RFTN1: variants seen among roughly 807,000 people sequenced by gnomAD.
The protein encoded by RFTN1 is raftlin, lipid raft linker 1, also known as raftlin.
A neutral mutation model predicts 46.5 loss-of-function variants in RFTN1; 26 were observed. The observed-to-expected ratio is 0.56, with a 90% CI of 0.41 to 0.78. RFTN1 has a LOEUF of 0.78. Ranked by LOEUF, RFTN1 falls within the 30% of genes least tolerant of loss-of-function variation. The pLI, the probability that RFTN1 is intolerant of heterozygous loss-of-function variation, is 0.00. For missense variants in RFTN1, 693 were observed against 718.7 expected (o/e 0.96, Z 0.41); for synonymous variants, 261 against 284.2 (o/e 0.92, Z 0.82).
rs2075348483 is a variant in RFTN1 at position 16,429,727 on chromosome 3, G to T, written c.332+4124C>A. Among the ~76,000 whole-genome samples, 1 of 152,150 alleles carries T rather than the reference G, an allele frequency of 6.6e-6. No individual in the cohort carries two copies. Among genetic ancestry groups the T allele is most frequent in the South Asian group, 2.1e-4 (1 of 4,824 alleles). ...AATGCAGGCTTGAGGGGTTCCGTCTGGTGTTTCTGGCATATCCCAAAGCCC... is the reference window on the plus strand; with the variant it reads ...AATGCAGGCTTGAGGGGTTCCGTCTTGTGTTTCTGGCATATCCCAAAGCCC... On this transcript the variant is annotated intron_variant, in intron 3 of 9. Transcript: ENST00000334133. This position sits in a 1 kb window ranked among gnomAD's most constrained non-coding sequence, Gnocchi z 6.4.
intron 2 of RFTN1, among the ~76,000 whole-genome samples, chr3:16,435,968 T>C (rs978628213): frequency 6.7e-6 from 1 of 149,524 alleles, no homozygotes; most frequent in Admixed American, 6.6e-5. Context: ...TATGTGTGCA[T>C]TGTAATTTTT....
chr3:16,371,622 A>G (rs937357886), intron 5 of RFTN1, among the ~76,000 whole-genome samples: 3 of 152,226 alleles, frequency 2.0e-5, no homozygotes, highest in African/African-American at 7.2e-5. Flanking sequence ...GGGCCATATT[A>G]CTTTGTCATC....
At chr3:16,396,671 A>G (rs1441310223) in intron 4 of RFTN1, among the ~76,000 whole-genome samples, 1 of 152,320 alleles carries the variant, frequency 6.6e-6, no homozygotes, top group South Asian at 2.1e-4. Context: ...GGACAGGAAG[A>G]TTTGTTTTAA....
Position 16,424,596 on chromosome 3 carries a change from C to T in RFTN1, c.332+9255G>A, listed in dbSNP as rs1047196619. ...AAGTCTTTGTAGCCATTTTAAGTTC[C>T]AACTCATGGTCGATGATAGGAAGTG... On this transcript the variant is annotated intron_variant, in intron 3 of 9. Transcript: ENST00000334133. The surrounding 1 kb of genome is among the most constrained non-coding windows in gnomAD (Gnocchi z 4.7). Among the ~76,000 whole-genome samples, 1 of 152,102 alleles carries T rather than the reference C, an allele frequency of 6.6e-6. No homozygotes were observed. Among genetic ancestry groups the T allele is most frequent in the African/African-American group, 2.4e-5 (1 of 41,420 alleles).
chr3:16,332,081 G>A (rs2070374237), intron 7 of RFTN1, among the ~76,000 whole-genome samples: 2 of 151,920 alleles, frequency 1.3e-5, no homozygotes, highest in African/African-American at 4.8e-5. Context: ...TCATGACAAT[G>A]TGCTTTGGTG....
At position 16,407,737 on chromosome 3, in the gene RFTN1, A is replaced by T. The variant is rs1252880737; in HGVS notation, c.441+1638T>A. Among the ~76,000 whole-genome samples the T allele has an allele frequency of 6.6e-6, 1 of 152,190 alleles. No homozygotes were observed. On this transcript the variant is annotated intron_variant, in intron 4 of 9. Transcript: ENST00000334133. The surrounding 1 kb of genome is among the most constrained non-coding windows in gnomAD (Gnocchi z 4.0). ...ATTTCTATAGAAAGCTACATGCGTT[A>T]TTAAAACACTTGTGTTCTCAGGCTT... is the stretch of plus-strand genomic sequence containing the variant.
At chr3:16,350,778 G>A (rs993241963) in intron 7 of RFTN1, among the ~76,000 whole-genome samples, 5 of 152,088 alleles carry the variant, frequency 3.3e-5, no homozygotes, top group Non-Finnish European at 5.9e-5. Context: ...CCTATCACAG[G>A]AAAAAGGCAG....
chr3:16,365,026 G>T (rs567407351), intron 6 of RFTN1, among the ~76,000 whole-genome samples: 1 of 152,226 alleles, frequency 6.6e-6, no homozygotes, highest in East Asian at 1.9e-4. Context: ...GTGCTAAACT[G>T]CAATAAAAGT....
intron 4 of RFTN1, among the ~76,000 whole-genome samples, chr3:16,405,637 T>C (rs1278348963): frequency 1.3e-5 from 2 of 152,206 alleles, no homozygotes; most frequent in African/African-American, 2.4e-5. Flanking sequence ...TGAGAAATAA[T>C]GAAATCTTCT....
chr3:16,398,788 TG>T (rs1394904514), intron 4 of RFTN1, among the ~76,000 whole-genome samples: 1 of 152,114 alleles, frequency 6.6e-6, no homozygotes, highest in Non-Finnish European at 1.5e-5. Context: ...GATGACAGAG[TG>T]TTATGCCCAG....
Position 16,481,391 on chromosome 3 carries a change from A to T in RFTN1, c.145+12334T>A, listed in dbSNP as rs2076364965. Among the ~76,000 whole-genome samples, 1 of 152,106 alleles carries T rather than the reference A, an allele frequency of 6.6e-6. No individual in the cohort carries two copies. The highest frequency in any genetic ancestry group is 2.1e-4 in the South Asian group (1 of 4,834). On this transcript the variant is annotated intron_variant, in intron 2 of 9. Coordinates refer to ENST00000334133, the MANE Select transcript of RFTN1 (RefSeq NM_015150.2). This position sits in a 1 kb window ranked among gnomAD's most constrained non-coding sequence, Gnocchi z 5.1. ...TTTGAGACATGTTTTATGGGAACCGATTTCCTTATTACTCTTTGCATCTTC... is the reference window on the plus strand; with the variant it reads ...TTTGAGACATGTTTTATGGGAACCGTTTTCCTTATTACTCTTTGCATCTTC...
chr3:16,358,057 A>C lies in RFTN1; in HGVS notation c.1031-10T>G. On this transcript the variant is annotated splice_polypyrimidine_tract_variant and intron_variant, in intron 6 of 9. Coordinates refer to ENST00000334133, the MANE Select transcript of RFTN1 (RefSeq NM_015150.2). ...AAGCCATGTAAGGAATCTGTGGAAA[A>C]AGAAAAAGGCGGGGGTGGGGGGGGT... The C allele has an allele frequency of 6.7e-7, 1 of 1,486,158 alleles. No homozygotes were observed. The highest frequency in any genetic ancestry group is 9.4e-7 in the Non-Finnish European group (1 of 1,068,018). The allele number at this position is 1,486,158 out of a possible 1,614,324, so 92.1% of individuals were successfully genotyped here. A position where few individuals can be genotyped will look rare whatever the true frequency, so the allele number is the denominator to read the frequency against.
intron 7 of RFTN1, among the ~76,000 whole-genome samples, chr3:16,357,533 A>T (rs1182661529): frequency 6.6e-6 from 1 of 152,240 alleles, no homozygotes; most frequent in Non-Finnish European, 1.5e-5. Flanking sequence ...GCTCATGTGC[A>T]TAACTCTAAG....
Position 16,421,440 on chromosome 3 carries a change from C to G in RFTN1, c.333-11957G>C, listed in dbSNP as rs2075182212. 1.3e-5 allele frequency among the ~76,000 whole-genome samples: 2 copies of G among 152,090 alleles called. No individual in the cohort carries two copies. Among genetic ancestry groups the G allele is most frequent in the African/African-American group, 4.8e-5 (2 of 41,410 alleles). On this transcript the variant is annotated intron_variant, in intron 3 of 9. Coordinates refer to ENST00000334133, the MANE Select transcript of RFTN1 (RefSeq NM_015150.2). This position sits in a 1 kb window ranked among gnomAD's most constrained non-coding sequence, Gnocchi z 4.6. ...AATCTCAGCTCACTGCAATCTCCAC[C>G]TCCCGGGTTCAAGTGATTCTCCTGC...
rs1174335585 is a variant in RFTN1, at chr3:16,334,846, G to A, written c.1147-7970C>T. The stretch of plus-strand genomic sequence containing the variant: ...TGGAGAGTTTATCCAGGATTATCCA[G>A]GTGTGCCCAGTATAATCACAGGGGT... On this transcript the variant is annotated intron_variant, in intron 7 of 9. Coordinates refer to ENST00000334133, the MANE Select transcript of RFTN1 (RefSeq NM_015150.2). The surrounding 1 kb of genome is among the most constrained non-coding windows in gnomAD (Gnocchi z 4.3). Among the ~76,000 whole-genome samples, 2 of 152,204 alleles carry A rather than the reference G, an allele frequency of 1.3e-5. No individual in the cohort carries two copies. Among genetic ancestry groups the A allele is most frequent in the African/African-American group, 4.8e-5 (2 of 41,436 alleles).
intron 2 of RFTN1, among the ~76,000 whole-genome samples, chr3:16,454,515 C>T (rs554669570): frequency 1.6e-4 from 24 of 152,308 alleles, no homozygotes; most frequent in Admixed American, 3.9e-4. Context: ...CCTGGAGCCA[C>T]GTCTGGAGAA....
rs543543474 is a variant in RFTN1 at position 16,361,780 on chromosome 3, A to T, written c.1031-3733T>A. 2.0e-5 allele frequency among the ~76,000 whole-genome samples: 3 copies of T among 152,322 alleles called. No individual in the cohort carries two copies. The highest frequency in any genetic ancestry group is 7.2e-5 in the African/African-American group (3 of 41,572). On this transcript the variant is annotated intron_variant, in intron 6 of 9. Transcript: ENST00000334133. The surrounding 1 kb of genome is among the most constrained non-coding windows in gnomAD (Gnocchi z 4.3). ...TAATGCAAGCAGAGACATAAAAAGC[A>T]CGTGTGTGGTTGAACTTGGCCTCTT...
intron 3 of RFTN1, among the ~76,000 whole-genome samples, chr3:16,420,875 C>T (rs377391930): frequency 4.3e-4 from 65 of 152,306 alleles, no homozygotes; most frequent in African/African-American, 1.4e-3. Context: ...GACTCTGATT[C>T]GACAGGTCTG....
chr3:16,363,456 A>G (rs2072958374), intron 6 of RFTN1, among the ~76,000 whole-genome samples: 1 of 152,244 alleles, frequency 6.6e-6, no homozygotes, highest in Admixed American at 6.5e-5. Flanking sequence ...TTTTGGCAAA[A>G]GGCCACCTTA....
Sources: allele counts gnomAD v4.1 joint callset (sites outside exome capture counted in the v4.1 genomes callset), GRCh38; gene constraint gnomAD v4.1.1; non-coding constraint Gnocchi (gnomAD v3.1); transcripts MANE v1.5; gene names NCBI Gene and HGNC (gene_info 2026-07-23, HGNC 2026-07-21).